Variants in CELSR1 observed in about 807,000 individuals in gnomAD.
The protein encoded by CELSR1 is cadherin EGF LAG seven-pass G-type receptor 1.
CELSR1 carries 110 observed loss-of-function variants against 249.1 expected under a neutral mutation model. The observed-to-expected ratio is 0.44, with a 90% CI of 0.38 to 0.52. The LOEUF is 0.52. Ranked by LOEUF, CELSR1 falls within the 20% of genes least tolerant of loss-of-function variation. CELSR1 has a pLI of 0.00. For synonymous variants in CELSR1, 2,113 were observed against 1,900.0 expected, an observed-to-expected ratio of 1.11 and a Z score of -2.92; for missense variants, 4,109 against 4,296.4, an observed-to-expected ratio of 0.96 and a Z score of 1.22.
chr22:46,384,120 G>A (rs192123757), intron 20 of CELSR1, among the ~76,000 whole-genome samples: 7 of 152,140 alleles, frequency 4.6e-5, no homozygotes, highest in African/African-American at 1.7e-4. Flanking sequence ...TTTTTTAGTA[G>A]AGACGGGGTT....
In CELSR1 at chr22:46,518,131, G is replaced by A. The variant is rs565076579; in HGVS notation, c.3544+15496C>T. 1.4e-4 allele frequency among the ~76,000 whole-genome samples: 21 copies of A among 152,194 alleles called. No homozygotes were observed. Among genetic ancestry groups the A allele is most frequent in the African/African-American group, 4.3e-4 (18 of 41,524 alleles). ...TGTTGGTCAGGCTGGTCTCGAACTC[G>A]TGACCTCAGGTGATGTGATCCATCC... On this transcript the variant is annotated intron_variant, in intron 1 of 34. Transcript: ENST00000674500. The surrounding 1 kb of genome is among the most constrained non-coding windows in gnomAD (Gnocchi z 5.2).
Position 46,534,620 on chromosome 22 carries a change from C to T in CELSR1, c.2551G>A (p.Asp851Asn), listed in dbSNP as rs1442104593. 6.2e-6 allele frequency: 10 copies of T among 1,613,836 alleles called. No individual in the cohort carries two copies. The highest frequency in any genetic ancestry group is 7.6e-6 in the Non-Finnish European group (9 of 1,180,046). ...SGTMYTMMEL[D>N]YENQVAYTLT... is the part of the protein sequence containing the mutation. ...GTGTAGGCGACCTGGTTCTCATAGT[C>T]CAGCTCCATCATGGTGTACATGGTG... The change falls in exon 1 of 35, where the codon GAC becomes AAC. Residue 851 changes from aspartate to asparagine, a missense_variant. Physicochemically the swap from Asp to Asn is conservative, Grantham distance 23. Coordinates refer to ENST00000674500, the MANE Select transcript of CELSR1 (RefSeq NM_001378328.1). The surrounding 1 kb of genome is among the most constrained non-coding windows in gnomAD (Gnocchi z 9.7).
At chr22:46,497,183 A>T (rs1449917198) in intron 1 of CELSR1, among the ~76,000 whole-genome samples, 3 of 152,240 alleles carry the variant, frequency 2.0e-5, no homozygotes, top group Non-Finnish European at 4.4e-5. Context: ...TGACAGAAAC[A>T]TCATTATGCC....
In CELSR1 at chr22:46,364,004, G is replaced by T. The variant is rs138392649; in HGVS notation, c.9027C>A (p.Ser3009=). The change falls in exon 34 of 35, where the codon TCC becomes TCA. Residue 3009 remains serine (S), a synonymous_variant. Coordinates refer to ENST00000674500, the MANE Select transcript of CELSR1 (RefSeq NM_001378328.1). Reference sequence around the variant, plus strand: ...AGGCCCAGGCTACTCACTCAGAGTCGGAGCCATCGGCCTGGGCGCTCCCAG... The same window carrying T: ...AGGCCCAGGCTACTCACTCAGAGTCTGAGCCATCGGCCTGGGCGCTCCCAG... ...VRTGSAQADG[S]DSEGSNETSI 1 of 1,605,654 alleles carries T rather than the reference G, an allele frequency of 6.2e-7. No homozygotes were observed. Among genetic ancestry groups the T allele is most frequent in the Non-Finnish European group, 8.5e-7 (1 of 1,176,882 alleles).
intron 1 of CELSR1, among the ~76,000 whole-genome samples, chr22:46,529,198 G>A (rs1281622997): frequency 5.3e-5 from 8 of 151,356 alleles, no homozygotes; most frequent in Non-Finnish European, 1.2e-4. Context: ...CCCAGGAGGC[G>A]GAGCTTGCAG....
intron 22 of CELSR1, 47 bp from the exon 23 acceptor site, chr22:46,378,764 C>A: frequency 1.9e-6 from 3 of 1,584,894 alleles, no homozygotes; most frequent in Non-Finnish European, 2.6e-6. Flanking sequence ...GTTCCCTCTG[C>A]CCATGAGTCT....
intron 1 of CELSR1, among the ~76,000 whole-genome samples, chr22:46,505,839 A>T (rs1439979209): frequency 6.6e-6 from 1 of 152,060 alleles, no homozygotes; most frequent in Non-Finnish European, 1.5e-5. Context: ...ATTCCTAAGG[A>T]TTTTAAAAAA....
chr22:46,460,068 C>T (rs1038061297), intron 2 of CELSR1, among the ~76,000 whole-genome samples: 1 of 152,070 alleles, frequency 6.6e-6, no homozygotes, highest in Admixed American at 6.6e-5. Flanking sequence ...ATTAGCCGGG[C>T]GTGGTGATGC....
At chr22:46,422,232 A>G (rs8136628) in intron 5 of CELSR1, among the ~76,000 whole-genome samples, 25,030 of 151,700 alleles carry the variant, frequency 0.16, 2,615 homozygotes, top group African/African-American at 0.3. Context: ...CAGCCTCCCG[A>G]GTAGCTGAGA....
rs1182399173 is a variant in CELSR1, at chr22:46,535,169, T to C, written c.2002A>G (p.Ser668Gly). 1 of 1,609,362 alleles carries C rather than the reference T, an allele frequency of 6.2e-7. No individual in the cohort carries two copies. The highest frequency in any genetic ancestry group is 1.3e-5 in the African/African-American group (1 of 74,952). Residue 668 changes from serine (S) to glycine (G), a missense_variant, in exon 1 of 35, where the codon AGC becomes GGC. By Grantham distance (56) the Ser-to-Gly change is moderately conservative (BLOSUM62 0). This residue lies in a region of CELSR1 where 886 missense variants were observed against 896.5 expected (regional missense o/e 0.99). Coordinates refer to ENST00000674500, the MANE Select transcript of CELSR1 (RefSeq NM_001378328.1). The part of the protein sequence containing the change: ...EAVDHGSPPM[S>G]SSTSVSITVL... Reference sequence around the variant, plus strand: ...GTGATGGACACGCTGGTGGAGGAGCTCATGGGGGGCGAGCCGTGGTCCACC... The same window carrying C: ...GTGATGGACACGCTGGTGGAGGAGCCCATGGGGGGCGAGCCGTGGTCCACC...
Position 46,472,424 on chromosome 22 carries a change from C to T in CELSR1, c.3545-8079G>A, listed in dbSNP as rs1020509219. On this transcript the variant is annotated intron_variant, in intron 1 of 34. Coordinates refer to ENST00000674500, the MANE Select transcript of CELSR1 (RefSeq NM_001378328.1). This position sits in a 1 kb window ranked among gnomAD's most constrained non-coding sequence, Gnocchi z 7.0. ...GCCCTCAGGGGACAGGGGACAGTGCCGCAGTTCCGAGACTCGGTGGCAGGT... is the reference window on the plus strand; with the variant it reads ...GCCCTCAGGGGACAGGGGACAGTGCTGCAGTTCCGAGACTCGGTGGCAGGT... Among the ~76,000 whole-genome samples the T allele has an allele frequency of 6.6e-6, 1 of 152,098 alleles. No individual in the cohort carries two copies. Among genetic ancestry groups the T allele is most frequent in the East Asian group, 1.9e-4 (1 of 5,172 alleles).
At position 46,440,393 on chromosome 22, in the gene CELSR1, G is replaced by A. The variant is rs1002734819; in HGVS notation, c.4184-982C>T. ...TTTTTGTATTTTTAGTAGAGACGGG[G>A]ATTCACCGTGTTAGCCAGGATGGTC... On this transcript the variant is annotated intron_variant, in intron 2 of 34. Transcript: ENST00000674500. This position sits in a 1 kb window ranked among gnomAD's most constrained non-coding sequence, Gnocchi z 4.7. 6.6e-6 allele frequency among the ~76,000 whole-genome samples: 1 copy of A among 152,174 alleles called. No individual in the cohort carries two copies. The highest frequency in any genetic ancestry group is 1.5e-5 in the Non-Finnish European group (1 of 68,032).
At chr22:46,366,859 CCG>C in intron 29 of CELSR1, 132 bp downstream of exon 29, 1 of 1,292,088 alleles carries the variant, frequency 7.7e-7, no homozygotes, top group Non-Finnish European at 1.0e-6. Flanking sequence ...ACACCGTGCA[CCG>C]CGGGCGGCTC....
rs564857914 is a variant in CELSR1 at position 46,402,369 on chromosome 22, C to T, written c.5227-2467G>A. 6.6e-6 allele frequency among the ~76,000 whole-genome samples: 1 copy of T among 152,106 alleles called. No individual in the cohort carries two copies. The highest frequency in any genetic ancestry group is 1.5e-5 in the Non-Finnish European group (1 of 68,008). ...GTAGCTGAGATACAGGTACCCACCA[C>T]CACACCCAGCTAATTTTCTGTATTT... is the stretch of plus-strand genomic sequence containing the variant. On this transcript the variant is annotated intron_variant, in intron 9 of 34. Coordinates refer to ENST00000674500, the MANE Select transcript of CELSR1 (RefSeq NM_001378328.1). This position sits in a 1 kb window ranked among gnomAD's most constrained non-coding sequence, Gnocchi z 5.0.
At chr22:46,462,736 C>A in intron 2 of CELSR1, 1 of 257,070 alleles carries the variant, frequency 3.9e-6, no homozygotes. Context: ...AACAGCCAAT[C>A]AAAGACCAAA....
intron 22 of CELSR1, among the ~76,000 whole-genome samples, chr22:46,379,416 T>C (rs1257427155): frequency 6.6e-6 from 1 of 152,226 alleles, no homozygotes; most frequent in African/African-American, 2.4e-5. Context: ...TTAATATGTT[T>C]GGCACAAACT....
At chr22:46,435,282 T>TAA (rs2079645837) in intron 4 of CELSR1, among the ~76,000 whole-genome samples, 1 of 123,750 alleles carries the variant, frequency 8.1e-6, no homozygotes, top group African/African-American at 3.6e-5. Flanking sequence ...AAAAAAAATT[T>TAA]TTTTTTTTTT....
rs1479217471 is a variant in CELSR1, at chr22:46,391,978, A to G, written c.5965-162T>C. On this transcript the variant is annotated intron_variant, in intron 14 of 34. Transcript: ENST00000674500. This position sits in a 1 kb window ranked among gnomAD's most constrained non-coding sequence, Gnocchi z 4.3. The stretch of plus-strand genomic sequence containing the variant: ...ACCCTCTGCCCACATCCCACACCCA[A>G]CGGGGGCTGCCTCCCAAGGCCCCAC... 1.3e-5 allele frequency among the ~76,000 whole-genome samples: 2 copies of G among 152,152 alleles called. No homozygotes were observed. Among genetic ancestry groups the G allele is most frequent in the African/African-American group, 2.4e-5 (1 of 41,434 alleles).
At position 46,380,777 on chromosome 22, in the gene CELSR1, G is replaced by T. The variant is rs199871365; in HGVS notation, c.7256+11C>A. On this transcript the variant is annotated intron_variant, in intron 22 of 34. Coordinates refer to ENST00000674500, the MANE Select transcript of CELSR1 (RefSeq NM_001378328.1). This position sits in a 1 kb window ranked among gnomAD's most constrained non-coding sequence, Gnocchi z 5.1. ...AAAGCCCTCACATGGGGCTCCTGGCGTCACACTTACGCCAGGGAGTGGTTC... is the reference window on the plus strand; with the variant it reads ...AAAGCCCTCACATGGGGCTCCTGGCTTCACACTTACGCCAGGGAGTGGTTC... 1.2e-6 allele frequency: 2 copies of T among 1,609,348 alleles called. No individual in the cohort carries two copies. The highest frequency in any genetic ancestry group is 2.7e-5 in the African/African-American group (2 of 74,868).
Sources: allele counts gnomAD v4.1 joint callset (sites outside exome capture counted in the v4.1 genomes callset), GRCh38; gene constraint gnomAD v4.1.1; regional missense constraint gnomAD v4.1.1; non-coding constraint Gnocchi (gnomAD v3.1); transcripts MANE v1.5; gene names NCBI Gene and HGNC (gene_info 2026-07-23, HGNC 2026-07-21).